The following ANKUB1 variants were observed in gnomAD, a reference collection of about 807,000 sequenced individuals.
ANKUB1 encodes the protein ankyrin repeat and ubiquitin domain containing 1, also known as protein ANKUB1.
In ANKUB1, 42 loss-of-function variants were observed where a neutral mutation model predicts 49.3. That is an observed-to-expected ratio of 0.85 (90% confidence interval 0.67 to 1.10). The LOEUF (loss-of-function observed/expected upper bound fraction) is 1.10, where lower values mean the gene tolerates loss of function less well. Ranked by LOEUF, ANKUB1 falls within the 50% of genes least tolerant of loss-of-function variation. The probability of loss-of-function intolerance (pLI) is 0.00; values close to 1 mark genes in which losing one functional copy is unlikely to be tolerated. For missense variants in ANKUB1, 613 were observed against 642.0 expected, an observed-to-expected ratio of 0.95 and a Z score of 0.49; for synonymous variants, 222 against 231.0, an observed-to-expected ratio of 0.96 and a Z score of 0.35.
At chr3:149,789,201 A>T (rs1718247314) in intron 2 of ANKUB1, among the ~76,000 whole-genome samples, 1 of 152,236 alleles carries the variant, frequency 6.6e-6, no homozygotes, top group South Asian at 2.1e-4. Flanking sequence ...GTTAAATAAA[A>T]GTATCCTATC....
At chr3:149,775,654 A>C (rs1717559535) in intron 3 of ANKUB1, among the ~76,000 whole-genome samples, 2 of 152,186 alleles carry the variant, frequency 1.3e-5, no homozygotes, top group South Asian at 4.1e-4. Flanking sequence ...TATAGTGAAG[A>C]GTACCAATTG....
intron 2 of ANKUB1, among the ~76,000 whole-genome samples, chr3:149,787,398 G>T (rs983921908): frequency 6.6e-6 from 1 of 152,174 alleles, no homozygotes; most frequent in Non-Finnish European, 1.5e-5. Context: ...AGGAATACTC[G>T]TGATTTTTGC....
intron 1 of ANKUB1, 137 bp from the exon 2 acceptor site, chr3:149,791,061 G>A: frequency 1.3e-6 from 1 of 788,290 alleles, no homozygotes; most frequent in Non-Finnish European, 1.9e-6. Context: ...ATTAAATAGG[G>A]GTTCTTAACT....
At position 149,767,955 on chromosome 3, in the gene ANKUB1, T is replaced by G. The variant is rs1717130146; in HGVS notation, c.707A>C (p.His236Pro). Residue 236 changes from histidine (H) to proline (P), a missense_variant, in exon 5 of 6, where the codon CAT (histidine) becomes CCT (proline). Physicochemically the swap from His to Pro is moderately conservative, Grantham distance 77 (BLOSUM62 -2). Transcript: ENST00000446160. ...AATGGGGCATTTAGAGACATCTGCA[T>G]GAAGGGCTTCATGGCACCATGCTCG... ...PYRAWCHEAL[H>P]ADVSKCPIHA... The G allele has an allele frequency of 6.5e-7, 1 of 1,545,432 alleles. No homozygotes were observed.
intron 5 of ANKUB1, among the ~76,000 whole-genome samples, chr3:149,765,608 G>T (rs1300441023): frequency 1.3e-5 from 2 of 151,902 alleles, no homozygotes; most frequent in East Asian, 3.9e-4. Context: ...TTTCCATTCT[G>T]CTGGGCACAG....
intron 2 of ANKUB1, 49 bp from the exon 3 acceptor site, chr3:149,780,504 G>A (rs980262945): frequency 2.1e-6 from 3 of 1,417,010 alleles, no homozygotes; most frequent in Middle Eastern, 1.7e-4. Flanking sequence ...GTTCAGATGA[G>A]GGCCAAGCAT....
intron 1 of ANKUB1, 43 bp downstream of exon 1, chr3:149,792,233 TA>T: frequency 7.2e-7 from 1 of 1,384,274 alleles, no homozygotes; most frequent in Non-Finnish European, 9.7e-7. Flanking sequence ...ACTGCATTGT[TA>T]AAATTAATAT....
chr3:149,761,288 C>CA lies in ANKUB1; in HGVS notation c.*195dup, dbSNP rs1716773115. The CA allele has an allele frequency of 5.5e-6, 3 of 543,304 alleles. No homozygotes were observed. Among genetic ancestry groups the CA allele is most frequent in the African/African-American group, 3.8e-5 (2 of 52,416 alleles). The allele number at this position is 543,304 out of a possible 1,614,324, so 33.7% of individuals were successfully genotyped here. A position where few individuals can be genotyped will look rare whatever the true frequency, so the allele number is the denominator to read the frequency against. On this transcript the variant is annotated 3_prime_UTR_variant, in exon 6 of 6. Transcript: ENST00000446160. The stretch of plus-strand genomic sequence containing the variant: ...TGAATTCTTCCTCATATTCTTTATG[C>CA]AAAAATAGCACTAAAGTTTCACTTA...
intron 4 of ANKUB1, among the ~76,000 whole-genome samples, chr3:149,769,232 G>T (rs574411727): frequency 3.9e-5 from 6 of 152,250 alleles, no homozygotes; most frequent in Admixed American, 6.5e-5. Flanking sequence ...ACAGATTAGT[G>T]CAATTTATGT....
chr3:149,786,999 G>C (rs2108280721), intron 2 of ANKUB1, among the ~76,000 whole-genome samples: 1 of 152,280 alleles, frequency 6.6e-6, no homozygotes, highest in African/African-American at 2.4e-5. Context: ...TTTGAAGTCA[G>C]GTAGCATGAT....
chr3:149,773,457 G>C (rs536586625), intron 3 of ANKUB1, among the ~76,000 whole-genome samples: 1 of 152,158 alleles, frequency 6.6e-6, no homozygotes, highest in African/African-American at 2.4e-5. Context: ...TACTCTCCTT[G>C]CTGGAGAATT....
chr3:149,767,052 C>T, intron 5 of ANKUB1, 105 bp downstream of exon 5: 1 of 1,172,542 alleles, frequency 8.5e-7, no homozygotes. Context: ...ACTGGAACAA[C>T]TTGTATTACT....
chr3:149,787,450 T>C (rs140415290), intron 2 of ANKUB1, among the ~76,000 whole-genome samples: 2,871 of 152,180 alleles, frequency 0.019, 42 homozygotes, highest in Middle Eastern at 0.031. Flanking sequence ...AGTTGCTTAT[T>C]AGCTTAAGGA....
chr3:149,785,126 A>G (rs967274356), intron 2 of ANKUB1, among the ~76,000 whole-genome samples: 1 of 152,296 alleles, frequency 6.6e-6, no homozygotes, highest in South Asian at 2.1e-4. Context: ...CCGCAACACC[A>G]TCAGCAATAA....
At position 149,767,206 on chromosome 3, in the gene ANKUB1, T is replaced by G; in HGVS notation, c.1456A>C (p.Ser486Arg). 6.5e-7 allele frequency: 1 copy of G among 1,548,902 alleles called. No homozygotes were observed. The highest frequency in any genetic ancestry group is 8.7e-7 in the Non-Finnish European group (1 of 1,146,210). ...KSSFSSFLEH[S>R]GKTPWENAIY... Reference sequence around the variant, plus strand: ...GCGTTCTCCCATGGAGTCTTCCCACTGTGCTCTAAGAAAGATGAGAAGGAG... The same window carrying G: ...GCGTTCTCCCATGGAGTCTTCCCACGGTGCTCTAAGAAAGATGAGAAGGAG... The change falls in exon 5 of 6, where the codon AGT (serine) becomes CGT (arginine). Residue 486 changes from serine (S) to arginine (R), a missense_variant. Ser to Arg is a moderately radical substitution (Grantham distance 110). Coordinates refer to ENST00000446160, the MANE Select transcript of ANKUB1 (RefSeq NM_001144960.3).
intron 5 of ANKUB1, among the ~76,000 whole-genome samples, chr3:149,763,073 C>A (rs1349691583): frequency 6.6e-6 from 1 of 152,182 alleles, no homozygotes; most frequent in Admixed American, 6.5e-5. Context: ...ACATTTGAAC[C>A]AGGTCTATGT....
intron 2 of ANKUB1, among the ~76,000 whole-genome samples, chr3:149,782,229 A>G (rs1717902605): frequency 6.6e-6 from 1 of 152,174 alleles, no homozygotes; most frequent in Non-Finnish European, 1.5e-5. Flanking sequence ...TAACATGCAA[A>G]CAAAATAACA....
intron 3 of ANKUB1, among the ~76,000 whole-genome samples, chr3:149,776,215 C>T (rs960806732): frequency 6.6e-6 from 1 of 152,164 alleles, no homozygotes; most frequent in African/African-American, 2.4e-5. Flanking sequence ...ATCTTGAAAA[C>T]AGTCTCATCA....
chr3:149,786,134 C>T (rs1718088901), intron 2 of ANKUB1, among the ~76,000 whole-genome samples: 1 of 152,156 alleles, frequency 6.6e-6, no homozygotes, highest in African/African-American at 2.4e-5. Flanking sequence ...CTCCTGAGTT[C>T]ACACCATTCT....
Sources: gnomAD v4.1 joint callset for allele counts (sites outside exome capture counted in the v4.1 genomes callset) on GRCh38, gnomAD v4.1.1 for gene constraint, MANE v1.5 for transcripts, NCBI Gene and HGNC (gene_info 2026-07-23, HGNC 2026-07-21) for gene names.